Variants in KCNQ1OT1 observed in about 807,000 individuals in gnomAD.
KCNQ1OT1 encodes KCNQ1 antisense RNA 2 (non-protein coding).
rs1431582605 is a variant in KCNQ1OT1, at chr11:2,657,168, C to G, written n.42827G>C. On this transcript the variant is annotated non_coding_transcript_exon_variant, in exon 1 of 1. Transcript: ENST00000597346. This position sits in a 1 kb window ranked among gnomAD's most constrained non-coding sequence, Gnocchi z 4.8. ...TGTTTGGTACAGCAAGTTCTCCCAC[C>G]TTGTTCTTCTTCAAGAATATTGCCA... 5.0e-6 allele frequency: 2 copies of G among 398,638 alleles called. No homozygotes were observed. Among genetic ancestry groups the G allele is most frequent in the Non-Finnish European group, 8.8e-6 (2 of 226,068 alleles). The allele number at this position is 398,638 out of a possible 1,614,324, so 24.7% of individuals were successfully genotyped here.
rs1850235567 is a variant in KCNQ1OT1, at chr11:2,673,900, T to C, written n.26095A>G. ...AGCAGGCACAGGAAGGGATGGGAGCTCAGCTCACCGGGTGCTAGACAAGGG... is the reference window on the plus strand; with the variant it reads ...AGCAGGCACAGGAAGGGATGGGAGCCCAGCTCACCGGGTGCTAGACAAGGG... On this transcript the variant is annotated non_coding_transcript_exon_variant, in exon 1 of 1. Transcript: ENST00000597346. This position sits in a 1 kb window ranked among gnomAD's most constrained non-coding sequence, Gnocchi z 4.5. The C allele has an allele frequency of 2.6e-6, 1 of 392,072 alleles. No homozygotes were observed. The highest frequency in any genetic ancestry group is 4.5e-6 in the Non-Finnish European group (1 of 224,130). The allele number at this position is 392,072 out of a possible 1,614,324, so 24.3% of individuals were successfully genotyped here.
At chr11:2,625,314 G>A (rs1210023008) in exon 1 of KCNQ1OT1, 1 of 398,452 alleles carries the variant, frequency 2.5e-6, no homozygotes, top group Non-Finnish European at 4.4e-6. Flanking sequence ...GCAGTGGCAT[G>A]ATCATGGCAC....
At chr11:2,632,436 T>C (rs1017882459) in exon 1 of KCNQ1OT1, 23 of 398,480 alleles carry the variant, frequency 5.8e-5, no homozygotes, top group Admixed American at 3.5e-4. Context: ...TCTTGCTTTA[T>C]TCCTGATCTT....
exon 1 of KCNQ1OT1, chr11:2,609,439 C>T (rs1239702586): frequency 5.0e-6 from 2 of 398,292 alleles, no homozygotes; most frequent in Admixed American, 4.4e-5. Flanking sequence ...CGTGACTTAG[C>T]ATATGGTCCT....
Position 2,641,462 on chromosome 11 carries a change from T to C in KCNQ1OT1, n.58533A>G, listed in dbSNP as rs80227704. The C allele has an allele frequency of 3.5e-4, 139 of 398,456 alleles. 5 individuals carry two copies. The South Asian group carries it at 0.016, about 46-fold the overall frequency. 24.7% of individuals were successfully genotyped at this position (398,456 alleles called of 1,614,324 possible). On this transcript the variant is annotated non_coding_transcript_exon_variant, in exon 1 of 1. Transcript: ENST00000597346. ...TTTGAGAAATATCTATCCATGTCTT[T>C]TGCTCACTTTTTATTGGAATTAATT...
In KCNQ1OT1 at chr11:2,679,619, T is replaced by C. The variant is rs1179533585; in HGVS notation, n.20376A>G. ...TGGGGAGGCGAGTTGGAATGAATAG[T>C]ATCAGCATCAGAAAAAATACAAGTG... On this transcript the variant is annotated non_coding_transcript_exon_variant, in exon 1 of 1. Transcript: ENST00000597346. This position sits in a 1 kb window ranked among gnomAD's most constrained non-coding sequence, Gnocchi z 4.8. 5.0e-6 allele frequency: 2 copies of C among 398,500 alleles called. No individual in the cohort carries two copies. The highest frequency in any genetic ancestry group is 4.1e-5 in the African/African-American group (2 of 48,626). 24.7% of individuals were successfully genotyped at this position (398,500 alleles called of 1,614,324 possible). A position where few individuals can be genotyped will look rare whatever the true frequency, so the allele number is the denominator to read the frequency against.
At position 2,623,697 on chromosome 11, in the gene KCNQ1OT1, A is replaced by G. The variant is rs1162707495; in HGVS notation, n.76298T>C. ...TGGAAGGACATCTCGGTTGCTTCCAATTTCAACAATCACAAATAAAGCTTC... is the reference window on the plus strand; with the variant it reads ...TGGAAGGACATCTCGGTTGCTTCCAGTTTCAACAATCACAAATAAAGCTTC... On this transcript the variant is annotated non_coding_transcript_exon_variant, in exon 1 of 1. Coordinates refer to ENST00000597346, the Ensembl canonical transcript of KCNQ1OT1. This position sits in a 1 kb window ranked among gnomAD's most constrained non-coding sequence, Gnocchi z 5.2. The G allele has an allele frequency of 5.0e-6, 2 of 398,548 alleles. No homozygotes were observed. Among genetic ancestry groups the G allele is most frequent in the East Asian group, 3.6e-5 (1 of 28,062 alleles). 24.7% of individuals were successfully genotyped at this position (398,548 alleles called of 1,614,324 possible). A position where few individuals can be genotyped will look rare whatever the true frequency, so the allele number is the denominator to read the frequency against.
At chr11:2,630,415 G>A (rs1849334235) in exon 1 of KCNQ1OT1, 1 of 398,098 alleles carries the variant, frequency 2.5e-6, no homozygotes, top group African/African-American at 2.1e-5. Context: ...TGAGGGCAAT[G>A]CTAGCCTTGT....
chr11:2,622,290 AGTATGTAAT>A (rs1849187187), exon 1 of KCNQ1OT1: 1 of 398,304 alleles, frequency 2.5e-6, no homozygotes, highest in East Asian at 3.6e-5. Context: ...CCATTTTCTC[AGTATGTAAT>A]GTCCTCCTTT....
In KCNQ1OT1 at chr11:2,658,473, C is replaced by G. The variant is rs1342376286; in HGVS notation, n.41522G>C. The G allele has an allele frequency of 1.0e-5, 4 of 398,502 alleles. No individual in the cohort carries two copies. Among genetic ancestry groups the G allele is most frequent in the Non-Finnish European group, 1.3e-5 (3 of 226,034 alleles). The allele number at this position is 398,502 out of a possible 1,614,324, so 24.7% of individuals were successfully genotyped here. On this transcript the variant is annotated non_coding_transcript_exon_variant, in exon 1 of 1. Transcript: ENST00000597346. This position sits in a 1 kb window ranked among gnomAD's most constrained non-coding sequence, Gnocchi z 4.9. Reference sequence around the variant, plus strand: ...TCCTTTTGATGTGCCCCCCGCCATCCTTTTCATTTATTTTTAAGCATTTCT... The same window carrying G: ...TCCTTTTGATGTGCCCCCCGCCATCGTTTTCATTTATTTTTAAGCATTTCT...
chr11:2,650,837 G>A (rs944854489), exon 1 of KCNQ1OT1: 9 of 398,476 alleles, frequency 2.3e-5, no homozygotes, highest in Non-Finnish European at 4.0e-5. Flanking sequence ...CTGATTTTAT[G>A]CTTTTAGGGG....
rs1352377883 is a variant in KCNQ1OT1 at position 2,683,538 on chromosome 11, AAG to A, written n.16455_16456del. On this transcript the variant is annotated non_coding_transcript_exon_variant, in exon 1 of 1. Coordinates refer to ENST00000597346, the Ensembl canonical transcript of KCNQ1OT1. The surrounding 1 kb of genome is among the most constrained non-coding windows in gnomAD (Gnocchi z 4.7). ...TAGTTCAGAGTAAACATTTCTAAAAAAGAGGTAGAAGCCCCTACCTACTGACT... is the reference window on the plus strand; with the variant it reads ...TAGTTCAGAGTAAACATTTCTAAAAAAGGTAGAAGCCCCTACCTACTGACT... 1.3e-5 allele frequency: 5 copies of A among 398,560 alleles called. No homozygotes were observed. The highest frequency in any genetic ancestry group is 2.2e-5 in the Non-Finnish European group (5 of 226,084). The allele number at this position is 398,560 out of a possible 1,614,324, so 24.7% of individuals were successfully genotyped here. A position where few individuals can be genotyped will look rare whatever the true frequency, so the allele number is the denominator to read the frequency against.
At chr11:2,699,101 G>A (rs1850726622) in exon 1 of KCNQ1OT1, 1 of 398,522 alleles carries the variant, frequency 2.5e-6, no homozygotes, top group Non-Finnish European at 4.4e-6. Flanking sequence ...TCCCAATAGC[G>A]CGGACTCAGA....
exon 1 of KCNQ1OT1, chr11:2,667,409 C>T (rs1392987752): frequency 5.0e-6 from 2 of 398,618 alleles, no homozygotes; most frequent in Non-Finnish European, 4.4e-6. Context: ...GCTCAGCCCT[C>T]TCCACTTGTG....
chr11:2,619,984 A>T, exon 1 of KCNQ1OT1: 1 of 398,098 alleles, frequency 2.5e-6, no homozygotes, highest in Non-Finnish European at 4.4e-6. Flanking sequence ...TGAGCATAGT[A>T]CCCAATAGGT....
In KCNQ1OT1 at chr11:2,647,816, T is replaced by C; in HGVS notation, n.52179A>G. The C allele has an allele frequency of 2.5e-6, 1 of 398,596 alleles. No individual in the cohort carries two copies. The highest frequency in any genetic ancestry group is 2.1e-5 in the African/African-American group (1 of 48,752). The allele number at this position is 398,596 out of a possible 1,614,324, so 24.7% of individuals were successfully genotyped here. On this transcript the variant is annotated non_coding_transcript_exon_variant, in exon 1 of 1. Transcript: ENST00000597346. This position sits in a 1 kb window ranked among gnomAD's most constrained non-coding sequence, Gnocchi z 4.0. ...TAATGGTCTCTAATAATCTTTTGTA[T>C]TTCTGTGGTGTCCATTGTAAGTCTC...
Position 2,670,346 on chromosome 11 carries a change from C to T in KCNQ1OT1, n.29649G>A, listed in dbSNP as rs1179608576. 1 of 398,430 alleles carries T rather than the reference C, an allele frequency of 2.5e-6. No individual in the cohort carries two copies. Among genetic ancestry groups the T allele is most frequent in the East Asian group, 3.6e-5 (1 of 28,088 alleles). The allele number at this position is 398,430 out of a possible 1,614,324, so 24.7% of individuals were successfully genotyped here. On this transcript the variant is annotated non_coding_transcript_exon_variant, in exon 1 of 1. Coordinates refer to ENST00000597346, the Ensembl canonical transcript of KCNQ1OT1. This position sits in a 1 kb window ranked among gnomAD's most constrained non-coding sequence, Gnocchi z 4.9. ...TGGTAGCAGAGTTCAGACTCAGTGG[C>T]TTTCAGATGGTTAGTATAGGCTGAA...
At chr11:2,610,024 ATAAT>A (rs1264726742) in exon 1 of KCNQ1OT1, 3 of 397,976 alleles carry the variant, frequency 7.5e-6, no homozygotes, top group African/African-American at 4.1e-5. Context: ...TATTATTGAT[ATAAT>A]TAGATTTATA....
chr11:2,662,161 T>C, exon 1 of KCNQ1OT1: 1 of 1,593,128 alleles, frequency 6.3e-7, no homozygotes, highest in African/African-American at 1.3e-5. Flanking sequence ...TGGGGAAGCC[T>C]TGCTCTCTGG....
Sources: allele counts gnomAD v4.1 joint callset, GRCh38; gene constraint gnomAD v4.1.1; non-coding constraint Gnocchi (gnomAD v3.1); transcripts MANE v1.5; gene names NCBI Gene and HGNC (gene_info 2026-07-23, HGNC 2026-07-21).